UNC13C: variants seen among roughly 807,000 people sequenced by gnomAD.
The protein encoded by UNC13C is unc-13 homolog C.
In UNC13C, 174 loss-of-function variants were observed where a neutral mutation model predicts 245.4. The observed-to-expected ratio is 0.71, with a 90% CI of 0.63 to 0.80. The LOEUF (loss-of-function observed/expected upper bound fraction) is 0.80. Ranked by LOEUF, UNC13C falls within the 30% of genes least tolerant of loss-of-function variation. The pLI, the probability that UNC13C is intolerant of heterozygous loss-of-function variation, is 0.00. For synonymous variants in UNC13C, 992 were observed against 895.1 expected, an observed-to-expected ratio of 1.11 and a Z score of -1.93; for missense variants, 2,829 against 2,602.9, an observed-to-expected ratio of 1.09 and a Z score of -1.89.
intron 4 of UNC13C, among the ~76,000 whole-genome samples, chr15:54,150,439 C>G (rs973787217): frequency 2.0e-5 from 3 of 152,200 alleles, no homozygotes; most frequent in Non-Finnish European, 2.9e-5. Context: ...GTCTGCAGTC[C>G]TCACGCAGAG....
At chr15:54,328,392 A>C (rs1189820063) in intron 14 of UNC13C, among the ~76,000 whole-genome samples, 1 of 152,076 alleles carries the variant, frequency 6.6e-6, no homozygotes, top group Admixed American at 6.6e-5. Flanking sequence ...TCTGGAAAAA[A>C]ACTGTTACAA....
At chr15:54,368,304 TATG>T (rs1444690099) in intron 17 of UNC13C, among the ~76,000 whole-genome samples, 3 of 152,128 alleles carry the variant, frequency 2.0e-5, no homozygotes, top group East Asian at 1.9e-4. Context: ...CAGTGAGAAT[TATG>T]ATGTTTTCTT....
At chr15:54,091,629 G>C (rs1010343200) in intron 2 of UNC13C, among the ~76,000 whole-genome samples, 1 of 151,840 alleles carries the variant, frequency 6.6e-6, no homozygotes, top group African/African-American at 2.4e-5. Flanking sequence ...TTCCTTCTTT[G>C]AATGGGAATA....
At chr15:54,624,807 A>G (rs183629475) in intron 32 of UNC13C, among the ~76,000 whole-genome samples, 4 of 152,240 alleles carry the variant, frequency 2.6e-5, no homozygotes, top group African/African-American at 9.6e-5. Flanking sequence ...AATTCCCGAA[A>G]ACACTCAGTT....
chr15:54,527,160 A>C (rs1322766814), intron 25 of UNC13C, among the ~76,000 whole-genome samples: 1 of 152,192 alleles, frequency 6.6e-6, no homozygotes, highest in Non-Finnish European at 1.5e-5. Context: ...GTTAGTCAGC[A>C]ATTTCAAGGT....
intron 19 of UNC13C, among the ~76,000 whole-genome samples, chr15:54,423,679 CA>C (rs2040699983): frequency 2.6e-5 from 4 of 151,718 alleles, no homozygotes; most frequent in Admixed American, 2.6e-4. Context: ...AGAGTTCAAT[CA>C]AGAAAATAAA....
chr15:54,537,181 C>T (rs1408481107), intron 26 of UNC13C, among the ~76,000 whole-genome samples: 2 of 152,008 alleles, frequency 1.3e-5, no homozygotes, highest in African/African-American at 4.8e-5. Context: ...TATGCACCAA[C>T]AGCATCCAAA....
chr15:54,064,557 C>A (rs1480158556), intron 2 of UNC13C, among the ~76,000 whole-genome samples: 1 of 152,176 alleles, frequency 6.6e-6, no homozygotes, highest in Non-Finnish European at 1.5e-5. Flanking sequence ...CCAAGAGATG[C>A]TGCTAACGTG....
chr15:54,374,973 T>G (rs2039574494), intron 17 of UNC13C, among the ~76,000 whole-genome samples: 1 of 152,234 alleles, frequency 6.6e-6, no homozygotes, highest in Non-Finnish European at 1.5e-5. Context: ...TAAACCACAG[T>G]TTACTAATAT....
Position 54,014,574 on chromosome 15 carries a change from T to C in UNC13C, c.1671T>C (p.Cys557=), listed in dbSNP as rs923750515. 5.0e-6 allele frequency: 8 copies of C among 1,613,658 alleles called. No homozygotes were observed. In the Admixed American group the frequency reaches 6.7e-5, roughly 13 times the overall value. ...SRSESDFSKL[C]QSYSEDFSEN... The stretch of plus-strand genomic sequence containing the variant: ...CTGAATCAGATTTTTCCAAATTGTG[T>C]CAGTCTTACTCAGAAGATTTTTCAG... Residue 557 remains cysteine, a synonymous_variant, in exon 2 of 33, where the codon TGT becomes TGC. Transcript: ENST00000260323.
At chr15:54,005,140 A>G (rs1346571248) in intron 1 of UNC13C, among the ~76,000 whole-genome samples, 1 of 152,178 alleles carries the variant, frequency 6.6e-6, no homozygotes, top group Non-Finnish European at 1.5e-5. Context: ...CCAAAGTACA[A>G]TGTGCCTGAT....
At chr15:54,281,325 A>C (rs1170849678) in intron 10 of UNC13C, among the ~76,000 whole-genome samples, 1 of 152,206 alleles carries the variant, frequency 6.6e-6, no homozygotes, top group East Asian at 1.9e-4. Flanking sequence ...CATACACTCC[A>C]GAAAAATGCT....
rs2038148725 is a variant in UNC13C at position 54,321,208 on chromosome 15, A to G, written c.4269-731A>G. The G allele has an allele frequency of 8.1e-6, 4 of 495,576 alleles. No individual in the cohort carries two copies. The East Asian group carries it at 1.6e-4, about 20-fold the overall frequency. The allele number at this position is 495,576 out of a possible 1,614,324, so 30.7% of individuals were successfully genotyped here. Reference sequence around the variant, plus strand: ...GTGTTTCTGAATGACAGCCTTATTTATGGAGCCATGGTCATCAAAGGTTAC... The same window carrying G: ...GTGTTTCTGAATGACAGCCTTATTTGTGGAGCCATGGTCATCAAAGGTTAC... On this transcript the variant is annotated intron_variant, in intron 13 of 32. Transcript: ENST00000260323.
At chr15:54,492,769 A>C (rs1049163538) in intron 19 of UNC13C, among the ~76,000 whole-genome samples, 1 of 152,322 alleles carries the variant, frequency 6.6e-6, no homozygotes, top group African/African-American at 2.4e-5. Flanking sequence ...CCAGAGCACA[A>C]ATTTCTCCCC....
At chr15:54,617,028 A>G (rs1274920076) in intron 30 of UNC13C, among the ~76,000 whole-genome samples, 1 of 152,128 alleles carries the variant, frequency 6.6e-6, no homozygotes, top group Non-Finnish European at 1.5e-5. Flanking sequence ...TAGGAACAAT[A>G]AACTATACCC....
At chr15:54,539,805 A>G (rs1484667804) in intron 26 of UNC13C, among the ~76,000 whole-genome samples, 1 of 152,088 alleles carries the variant, frequency 6.6e-6, no homozygotes, top group African/African-American at 2.4e-5. Context: ...TTCACCATCT[A>G]TAAAACGGGG....
chr15:54,451,913 A>C (rs762735022), intron 19 of UNC13C, among the ~76,000 whole-genome samples: 1 of 152,122 alleles, frequency 6.6e-6, no homozygotes, highest in Non-Finnish European at 1.5e-5. Context: ...ATTTGCTTTC[A>C]TAGGGAAGGA....
At chr15:53,862,163 C>T in the UNC13C span, among the ~76,000 whole-genome samples, 1 of 152,048 alleles carries the variant, frequency 6.6e-6, no homozygotes, top group Non-Finnish European at 1.5e-5. Flanking sequence ...TGTAGACAGC[C>T]ACCTTCTTGC....
intron 11 of UNC13C, 30 bp downstream of exon 11, chr15:54,294,094 G>A (rs988322566): frequency 3.7e-5 from 54 of 1,474,278 alleles, no homozygotes; most frequent in Middle Eastern, 1.9e-4. Context: ...ACTTGAAAAC[G>A]AGTTAAATAA....
Sources: allele counts gnomAD v4.1 joint callset (sites outside exome capture counted in the v4.1 genomes callset), GRCh38; gene constraint gnomAD v4.1.1; transcripts MANE v1.5; gene names NCBI Gene and HGNC (gene_info 2026-07-23, HGNC 2026-07-21).